RNF175: variants seen among roughly 807,000 people sequenced by gnomAD.
The protein encoded by RNF175 is ring finger protein 175.
RNF175 carries 38 observed loss-of-function variants against 50.0 expected under a neutral mutation model. The observed-to-expected ratio is 0.76, with a 90% CI of 0.59 to 1.00. The LOEUF (loss-of-function observed/expected upper bound fraction) is 1.00, where lower values mean the gene tolerates loss of function less well. Ranked by LOEUF, RNF175 falls within the 50% of genes least tolerant of loss-of-function variation. The probability of loss-of-function intolerance (pLI) is 0.00; values close to 1 mark genes in which losing one functional copy is unlikely to be tolerated. For missense variants in RNF175, 388 were observed against 409.6 expected (o/e 0.95, Z 0.46); for synonymous variants, 155 against 146.1 (o/e 1.06, Z -0.44).
chr4:153,715,837 G>A (rs1737881785), intron 6 of RNF175, among the ~76,000 whole-genome samples, 175 bp from the exon 7 acceptor site: 1 of 152,146 alleles, frequency 6.6e-6, no homozygotes, highest in Non-Finnish European at 1.5e-5. Context: ...GCTGAGGCAG[G>A]TGGATCACAA....
At chr4:153,717,502 T>A (rs113131075) in intron 6 of RNF175, among the ~76,000 whole-genome samples, 8 of 148,050 alleles carry the variant, frequency 5.4e-5, no homozygotes, top group African/African-American at 1.7e-4. Flanking sequence ...TTCATCTGTA[T>A]ATACTAACAC....
intron 8 of RNF175, among the ~76,000 whole-genome samples, chr4:153,710,820 T>C (rs184206121): frequency 5.1e-4 from 77 of 152,328 alleles, no homozygotes; most frequent in South Asian, 1.4e-3. Flanking sequence ...GAAACTGCTC[T>C]AAATGAGCAA....
chr4:153,735,537 T>G (rs907888660), intron 3 of RNF175, among the ~76,000 whole-genome samples: 3 of 152,196 alleles, frequency 2.0e-5, no homozygotes, highest in Non-Finnish European at 2.9e-5. Context: ...AACTGTAGAA[T>G]CAGTTTGTTG....
Position 153,751,984 on chromosome 4 carries a change from G to C in RNF175, c.67-509C>G, listed in dbSNP as rs1416311529. ...ATTTGGAGCATTCTTGTACTCTCTTGTTAAGAAGGCATCATTACTGACCCC... is the reference window on the plus strand; with the variant it reads ...ATTTGGAGCATTCTTGTACTCTCTTCTTAAGAAGGCATCATTACTGACCCC... On this transcript the variant is annotated intron_variant, in intron 1 of 8. Transcript: ENST00000347063. 2.0e-5 allele frequency among the ~76,000 whole-genome samples: 3 copies of C among 152,214 alleles called. No individual in the cohort carries two copies. In the East Asian group the frequency reaches 5.8e-4, roughly 29 times the overall value.
intron 1 of RNF175, among the ~76,000 whole-genome samples, chr4:153,753,400 G>A (rs1740394649): frequency 6.6e-6 from 1 of 152,152 alleles, no homozygotes; most frequent in Non-Finnish European, 1.5e-5. Context: ...GACACTGGCA[G>A]CCCTCATCTG....
chr4:153,755,668 G>C (rs4696488), intron 1 of RNF175, among the ~76,000 whole-genome samples: 144,841 of 148,630 alleles, frequency 0.97, 70,688 homozygotes, highest in East Asian at 1. Flanking sequence ...CCCCACCCCC[G>C]CAAAAAAAAT....
chr4:153,730,346 G>C (rs1738963101), intron 3 of RNF175, among the ~76,000 whole-genome samples: 1 of 152,020 alleles, frequency 6.6e-6, no homozygotes, highest in African/African-American at 2.4e-5. Context: ...TGAGGTGGGA[G>C]GACCACCTGA....
At chr4:153,713,296 A>G (rs1737713164) in intron 7 of RNF175, 1 of 152,210 alleles carries the variant, frequency 6.6e-6, no homozygotes, top group African/African-American at 2.4e-5. Flanking sequence ...TTTGGTACTT[A>G]CATGTTTCTC....
At chr4:153,724,070 C>T (rs947957353) in intron 4 of RNF175, among the ~76,000 whole-genome samples, 5 of 152,144 alleles carry the variant, frequency 3.3e-5, no homozygotes, top group Non-Finnish European at 5.9e-5. Flanking sequence ...AAGGGTCCTG[C>T]GTGTACCCCA....
chr4:153,710,588 A>G (rs556357574), intron 8 of RNF175, 99 bp from the exon 9 acceptor site: 18 of 1,146,850 alleles, frequency 1.6e-5, no homozygotes, highest in Admixed American at 8.7e-5. Flanking sequence ...ATGAATGGGT[A>G]TTTCCTTTCT....
intron 4 of RNF175, among the ~76,000 whole-genome samples, chr4:153,726,297 A>G (rs942275237): frequency 3.9e-5 from 6 of 151,942 alleles, no homozygotes; most frequent in African/African-American, 1.2e-4. Context: ...TTGAGACAGG[A>G]CTTCACCATG....
intron 1 of RNF175, among the ~76,000 whole-genome samples, chr4:153,757,919 C>T (rs556513271): frequency 1.1e-4 from 16 of 152,012 alleles, no homozygotes; most frequent in Admixed American, 4.6e-4. Context: ...TAAGATTGTA[C>T]GTTACTGTTC....
intron 3 of RNF175, among the ~76,000 whole-genome samples, chr4:153,738,376 A>G (rs2579906): frequency 0.45 from 67,912 of 150,688 alleles, 16,265 homozygotes; most frequent in East Asian, 0.81. Flanking sequence ...GGTAGAGATA[A>G]GGTGTCACTT....
chr4:153,738,134 T>C (rs1345485609), intron 3 of RNF175, among the ~76,000 whole-genome samples: 4 of 152,128 alleles, frequency 2.6e-5, no homozygotes, highest in Admixed American at 2.0e-4. Flanking sequence ...ATTGCAGCAT[T>C]GACCTCCTGG....
chr4:153,720,209 G>A lies in RNF175; in HGVS notation c.605C>T (p.Ser202Leu). The change falls in exon 6 of 9, where the codon TCA (serine) becomes TTA (leucine). Residue 202 changes from serine (S) to leucine (L), a missense_variant. By Grantham distance (145) the Ser-to-Leu change is moderately radical. Coordinates refer to ENST00000347063, the MANE Select transcript of RNF175 (RefSeq NM_173662.4). Reference protein sequence around the residue: ...VMGRDFAEICSDYMASTIGFY... With the variant: ...VMGRDFAEICLDYMASTIGFY... ...CCCTATAGTGGAAGCCATGTAGTCT[G>A]AGCAGATCTCGGCAAAGTCTCTCCC... The A allele has an allele frequency of 6.2e-7, 1 of 1,613,784 alleles. No individual in the cohort carries two copies. Among genetic ancestry groups the A allele is most frequent in the Non-Finnish European group, 8.5e-7 (1 of 1,179,726 alleles).
At chr4:153,731,481 G>A (rs1739029417) in intron 3 of RNF175, among the ~76,000 whole-genome samples, 2 of 152,262 alleles carry the variant, frequency 1.3e-5, no homozygotes, top group Middle Eastern at 3.4e-3. Flanking sequence ...TATCATAGCA[G>A]GAGGAATTTC....
At chr4:153,736,427 C>T (rs2118863) in intron 3 of RNF175, among the ~76,000 whole-genome samples, 26,882 of 152,084 alleles carry the variant, frequency 0.18, 3,091 homozygotes, top group Non-Finnish European at 0.25. Flanking sequence ...AGTTTCCTTT[C>T]CTTGTAATGT....
At chr4:153,739,134 G>A (rs765513209) in intron 3 of RNF175, among the ~76,000 whole-genome samples, 4 of 152,164 alleles carry the variant, frequency 2.6e-5, no homozygotes, top group African/African-American at 4.8e-5. Flanking sequence ...TTAAGAAAAA[G>A]AAATAGGGCC....
At chr4:153,728,146 A>AT in intron 4 of RNF175, 61 bp downstream of exon 4, 2 of 1,320,884 alleles carry the variant, frequency 1.5e-6, no homozygotes, top group South Asian at 3.3e-5. Flanking sequence ...TGGCAATAAA[A>AT]TATGCTTTGT....
Sources: allele counts gnomAD v4.1 joint callset (sites outside exome capture counted in the v4.1 genomes callset), GRCh38; gene constraint gnomAD v4.1.1; transcripts MANE v1.5; gene names NCBI Gene and HGNC (gene_info 2026-07-23, HGNC 2026-07-21).